The following SLC18A1 variants were observed in gnomAD, a reference collection of about 807,000 sequenced individuals.
SLC18A1 encodes chromaffin granule amine transporter.
A neutral mutation model predicts 53.7 loss-of-function variants in SLC18A1; 69 were observed. The observed-to-expected ratio is 1.28, with a 90% confidence interval of 1.06 to 1.57. The LOEUF (loss-of-function observed/expected upper bound fraction) is 1.57, where lower values mean the gene tolerates loss of function less well. Ranked by LOEUF, SLC18A1 falls within the 40% of genes most tolerant of loss-of-function variation. The pLI, the probability that SLC18A1 is intolerant of heterozygous loss-of-function variation, is 0.00. For missense variants in SLC18A1, 932 were observed against 668.1 expected, an observed-to-expected ratio of 1.40 and a Z score of -4.35; for synonymous variants, 320 against 248.1, an observed-to-expected ratio of 1.29 and a Z score of -2.72.
chr8:20,178,259 TG>T (rs2072301733), intron 4 of SLC18A1, among the ~76,000 whole-genome samples, 175 bp downstream of exon 4: 1 of 152,186 alleles, frequency 6.6e-6, no homozygotes, highest in South Asian at 2.1e-4. Flanking sequence ...TAGACTGAAT[TG>T]TCACTACTGT....
rs140149671 is a variant in SLC18A1, at chr8:20,159,053, G to C, written c.1015+5816C>G. Reference sequence around the variant, plus strand: ...CTCCTGGTTAAGTTTGTCTCTTCCAGAATTGAAGCTGTAAAACTATAAATG... The same window carrying C: ...CTCCTGGTTAAGTTTGTCTCTTCCACAATTGAAGCTGTAAAACTATAAATG... On this transcript the variant is annotated intron_variant, in intron 10 of 15. Transcript: ENST00000276373. Among the ~76,000 whole-genome samples the C allele has an allele frequency of 3.0e-3, 458 of 152,184 alleles. 8 individuals are homozygous for C. The East Asian group carries it at 0.033, about 11-fold the overall frequency.
Position 20,164,942 on chromosome 8 carries a change from C to G in SLC18A1, c.942G>C (p.Met314Ile). ...VAAGSICFAN[M>I]GVAILEPTLP... is the part of the protein sequence containing the mutation. ...GTGTGGGCTCCAGGATGGCCACCCC[C>G]ATGTTGGCAAAGCAGATGGACCCTG... The change falls in exon 10 of 16, where the codon ATG (methionine) becomes ATC (isoleucine). Residue 314 changes from methionine (M) to isoleucine (I), a missense_variant. Physicochemically the swap from Met to Ile is conservative, Grantham distance 10. Transcript: ENST00000276373. 6.2e-7 allele frequency: 1 copy of G among 1,613,916 alleles called. No homozygotes were observed. The highest frequency in any genetic ancestry group is 1.1e-5 in the South Asian group (1 of 91,044).
At chr8:20,178,062 T>C (rs2072293506) in intron 4 of SLC18A1, among the ~76,000 whole-genome samples, 1 of 151,958 alleles carries the variant, frequency 6.6e-6, no homozygotes, top group South Asian at 2.1e-4. Flanking sequence ...AATAATATCA[T>C]TGCTTCTCAT....
chr8:20,148,326 T>C, intron 12 of SLC18A1: 1 of 646,578 alleles, frequency 1.5e-6, no homozygotes, highest in Non-Finnish European at 2.5e-6. Context: ...AAGATCAAGT[T>C]TGGACCTCAG....
chr8:20,168,629 G>C (rs1426615709), intron 8 of SLC18A1, among the ~76,000 whole-genome samples: 1 of 151,422 alleles, frequency 6.6e-6, no homozygotes, highest in Non-Finnish European at 1.5e-5. Context: ...ACCCAGGCTG[G>C]AGTGCAGTGG....
At chr8:20,170,748 C>T (rs2072092076) in intron 8 of SLC18A1, among the ~76,000 whole-genome samples, 1 of 150,422 alleles carries the variant, frequency 6.6e-6, no homozygotes, top group South Asian at 2.1e-4. Context: ...GCTATAATTA[C>T]ATGTGTGTGT....
chr8:20,147,509 T>G, intron 14 of SLC18A1, 94 bp downstream of exon 14: 2 of 1,584,596 alleles, frequency 1.3e-6, no homozygotes, highest in Non-Finnish European at 1.7e-6. Context: ...GCGTCAAAGA[T>G]CTCCAGAACC....
rs1256686986 is a variant in SLC18A1 at position 20,147,327 on chromosome 8, C to T, written c.1395G>A (p.Gly465=). 1.2e-6 allele frequency: 2 copies of T among 1,613,574 alleles called. No individual in the cohort carries two copies. Among genetic ancestry groups the T allele is most frequent in the South Asian group, 1.1e-5 (1 of 91,020 alleles). The change falls in exon 15 of 16, where the codon GGG becomes GGA. Residue 465 remains glycine (G), a synonymous_variant. Transcript: ENST00000276373. ...GTGGAGCATAGACGATGTTGATGAC[C>T]CCAGTGATGACCATGAGCCAGGGAA... ...IGFPWLMVIT[G]VINIVYAPLC...
At position 20,178,452 on chromosome 8, in the gene SLC18A1, ATGATAAC is replaced by A. The variant is rs770413139; in HGVS notation, c.523_529del (p.Val175CysfsTer73). 1 of 1,611,730 alleles carries A rather than the reference ATGATAAC, an allele frequency of 6.2e-7. No individual in the cohort carries two copies. Among genetic ancestry groups the A allele is most frequent in the South Asian group, 1.1e-5 (1 of 90,294 alleles). ...TTACTTACTAACTGTGGAGAGAAAC[ATGATAAC>A]AAAGCCAGCAAACATGGGGATATGA... On this transcript the variant is annotated frameshift_variant, in exon 4 of 16. Coordinates refer to ENST00000276373, the MANE Select transcript of SLC18A1 (RefSeq NM_003053.4). LOFTEE classifies it high-confidence loss of function.
In SLC18A1 at chr8:20,145,784, C is replaced by G. The variant is rs1442061458; in HGVS notation, c.1557G>C (p.Glu519Asp). The change falls in exon 16 of 16, where the codon GAG becomes GAC. Residue 519 changes from glutamate to aspartate, a missense_variant. Coordinates refer to ENST00000276373, the MANE Select transcript of SLC18A1 (RefSeq NM_003053.4). Reference sequence around the variant, plus strand: ...GCTGCTACTCCTCATGGTCAGGCTCCTCATCACTGTCCTCCCCCAGAGGAA... The same window carrying G: ...GCTGCTACTCCTCATGGTCAGGCTCGTCATCACTGTCCTCCCCCAGAGGAA... The part of the protein sequence containing the change: ...KEFPLGEDSD[E>D]EPDHEE 1 of 1,610,494 alleles carries G rather than the reference C, an allele frequency of 6.2e-7. No individual in the cohort carries two copies. Among genetic ancestry groups the G allele is most frequent in the South Asian group, 1.1e-5 (1 of 90,192 alleles).
chr8:20,170,524 G>C (rs530194445), intron 8 of SLC18A1, among the ~76,000 whole-genome samples: 2 of 151,990 alleles, frequency 1.3e-5, no homozygotes, highest in Non-Finnish European at 2.9e-5. Context: ...TTTTTCCTTC[G>C]TGGTGGGATA....
At chr8:20,179,596 G>A (rs2072364153) in intron 2 of SLC18A1, 112 bp from the exon 3 acceptor site, 7 of 1,369,322 alleles carry the variant, frequency 5.1e-6, no homozygotes, top group Non-Finnish European at 7.0e-6. Flanking sequence ...AGGAGGACAG[G>A]TGATGGGGGC....
Position 20,147,376 on chromosome 8 carries a change from C to G in SLC18A1, c.1346G>C (p.Gly449Ala). 6.2e-7 allele frequency: 1 copy of G among 1,610,442 alleles called. No homozygotes were observed. Among genetic ancestry groups the G allele is most frequent in the Non-Finnish European group, 8.5e-7 (1 of 1,178,782 alleles). ...AAAACCGATGGCCTTTACAATGGCA[C>G]CACCGGTGGATGGACCTGGGAGGGA... ...MGFAIGPSTG[G>A]AIVKAIGFPW... Residue 449 changes from glycine to alanine, a missense_variant, in exon 15 of 16, where the codon GGT becomes GCT. Gly to Ala is a moderately conservative substitution (Grantham distance 60). Transcript: ENST00000276373.
chr8:20,171,712 G>T (rs941010506), intron 6 of SLC18A1, among the ~76,000 whole-genome samples: 1 of 151,730 alleles, frequency 6.6e-6, no homozygotes, highest in Non-Finnish European at 1.5e-5. Context: ...GTGCGCGCGC[G>T]TGTGTGTATG....
At position 20,174,387 on chromosome 8, in the gene SLC18A1, A is replaced by G. The variant is rs17222120; in HGVS notation, c.605T>C (p.Ile202Thr). The G allele has an allele frequency of 3.2e-5, 52 of 1,614,008 alleles. No individual in the cohort carries two copies. In the Admixed American group the frequency reaches 3.8e-4, roughly 12 times the overall value. ...LLFVARTLQG[I>T]GSSFSSVAGL... is the part of the protein sequence containing the mutation. The stretch of plus-strand genomic sequence containing the variant: ...TGCAACAGATGAAAATGAAGATCCA[A>G]TGCCTTGAAGGGTTCGGGCCACAAA... Residue 202 changes from isoleucine (I) to threonine (T), a missense_variant, in exon 5 of 16, where the codon ATT (isoleucine) becomes ACT (threonine). By Grantham distance (89) the Ile-to-Thr change is moderately conservative. Coordinates refer to ENST00000276373, the MANE Select transcript of SLC18A1 (RefSeq NM_003053.4).
intron 7 of SLC18A1, 66 bp from the exon 8 acceptor site, chr8:20,171,212 C>T (rs2072107541): frequency 6.5e-7 from 1 of 1,537,324 alleles, no homozygotes; most frequent in South Asian, 1.1e-5. Context: ...CCAATAACAG[C>T]TGTAGTGCTA....
At chr8:20,174,850 G>A (rs2072217335) in intron 4 of SLC18A1, among the ~76,000 whole-genome samples, 1 of 152,160 alleles carries the variant, frequency 6.6e-6, no homozygotes, top group Non-Finnish European at 1.5e-5. Context: ...CCATTGCTGG[G>A]TCCCACAGGA....
intron 11 of SLC18A1, 128 bp downstream of exon 11, chr8:20,150,538 G>A (rs1239173668): frequency 1.2e-6 from 1 of 824,114 alleles, no homozygotes; most frequent in Non-Finnish European, 2.1e-6. Flanking sequence ...CCAGTGGGAA[G>A]TTTTTATCGG....
Position 20,145,451 on chromosome 8 carries a change from C to T in SLC18A1, c.*312G>A. ...TCAGGGGCACATTACTCACTACCAC[C>T]TCTATGCAATGAGTCACCCCTTGCA... On this transcript the variant is annotated 3_prime_UTR_variant, in exon 16 of 16. Coordinates refer to ENST00000276373, the MANE Select transcript of SLC18A1 (RefSeq NM_003053.4). 4.7e-6 allele frequency: 1 copy of T among 212,728 alleles called. No individual in the cohort carries two copies. Among genetic ancestry groups the T allele is most frequent in the Non-Finnish European group, 9.3e-6 (1 of 107,348 alleles). The allele number at this position is 212,728 out of a possible 1,614,324, so 13.2% of individuals were successfully genotyped here.
Sources: gnomAD v4.1 joint callset for allele counts (sites outside exome capture counted in the v4.1 genomes callset) on GRCh38, gnomAD v4.1.1 for gene constraint, MANE v1.5 for transcripts, NCBI Gene and HGNC (gene_info 2026-07-23, HGNC 2026-07-21) for gene names.